The following ATP8A2 variants were observed in gnomAD, a reference collection of about 807,000 sequenced individuals.
The protein encoded by ATP8A2 is phospholipid-transporting ATPase IB.
In ATP8A2, 100 loss-of-function variants were observed where a neutral mutation model predicts 165.6. That is an observed-to-expected ratio of 0.60 (90% CI 0.51 to 0.71). ATP8A2 has a LOEUF of 0.71. Among genes scored for constraint, ATP8A2 ranks in the 30% least tolerant of loss-of-function variants. The probability of loss-of-function intolerance (pLI) is 0.00; values close to 1 mark genes in which losing one functional copy is unlikely to be tolerated. For synonymous variants in ATP8A2, 543 were observed against 548.8 expected (o/e 0.99, Z 0.15); for missense variants, 1,227 against 1,479.5 (o/e 0.83, Z 2.80).
At chr13:25,421,488 C>A (rs960106493) in intron 1 of ATP8A2, among the ~76,000 whole-genome samples, 3 of 152,276 alleles carry the variant, frequency 2.0e-5, no homozygotes, top group Admixed American at 2.0e-4. Context: ...GCCCATGCCA[C>A]TGCACCTGGG....
chr13:25,828,486 TC>T (rs1332223109), intron 28 of ATP8A2, among the ~76,000 whole-genome samples: 21 of 152,354 alleles, frequency 1.4e-4, no homozygotes, highest in African/African-American at 5.0e-4. Context: ...TGCAACACTT[TC>T]GTGTTTTTAG....
At chr13:25,423,616 C>T (rs1351393486) in intron 1 of ATP8A2, among the ~76,000 whole-genome samples, 2 of 152,158 alleles carry the variant, frequency 1.3e-5, no homozygotes, top group Non-Finnish European at 2.9e-5. Flanking sequence ...CAATGAATAT[C>T]ATCAGTCTTT....
At chr13:25,792,495 G>C (rs1255068352) in intron 27 of ATP8A2, among the ~76,000 whole-genome samples, 1 of 151,900 alleles carries the variant, frequency 6.6e-6, no homozygotes, top group African/African-American at 2.4e-5. Context: ...AATTAATAGA[G>C]ACTCACTAAG....
At chr13:25,519,391 G>T (rs1468243696) in intron 2 of ATP8A2, among the ~76,000 whole-genome samples, 11 of 150,710 alleles carry the variant, frequency 7.3e-5, no homozygotes, top group African/African-American at 2.7e-4. Flanking sequence ...TTTTAATCTC[G>T]TTTCTCCTCT....
chr13:26,012,527 G>T lies in ATP8A2; in HGVS notation c.3378-4G>T. The T allele has an allele frequency of 6.5e-7, 1 of 1,538,938 alleles. No individual in the cohort carries two copies. Among genetic ancestry groups the T allele is most frequent in the Middle Eastern group, 1.7e-4 (1 of 5,954 alleles). On this transcript the variant is annotated splice_region_variant and splice_polypyrimidine_tract_variant and intron_variant, in intron 35 of 36. Coordinates refer to ENST00000381655, the MANE Select transcript of ATP8A2 (RefSeq NM_016529.6). The stretch of plus-strand genomic sequence containing the variant: ...AGAGACTGACGCGCTTGCTTTATCC[G>T]CAGGCTGAACGAGCGCGACCGCCTG...
chr13:25,699,506 T>C (rs1234966740), intron 25 of ATP8A2, among the ~76,000 whole-genome samples, 161 bp downstream of exon 25: 1 of 152,260 alleles, frequency 6.6e-6, no homozygotes, highest in African/African-American at 2.4e-5. Context: ...TGCACAGATT[T>C]TGCAGAGGCA....
In ATP8A2 at chr13:25,773,667, A is replaced by G. The variant is rs139812804; in HGVS notation, c.2569-1182A>G. ...TGGAGGCAAAAAAGGAGAAGACAAA[A>G]TGGGTCAAGAAGTGGAGGCAAAGTG... On this transcript the variant is annotated intron_variant, in intron 26 of 36. Coordinates refer to ENST00000381655, the MANE Select transcript of ATP8A2 (RefSeq NM_016529.6). Among the ~76,000 whole-genome samples, 17 of 152,302 alleles carry G rather than the reference A, an allele frequency of 1.1e-4. No homozygotes were observed. In the East Asian group the frequency reaches 1.9e-3, roughly 17 times the overall value.
chr13:25,910,151 T>C (rs1051310868), intron 33 of ATP8A2, among the ~76,000 whole-genome samples: 1 of 152,242 alleles, frequency 6.6e-6, no homozygotes, highest in Non-Finnish European at 1.5e-5. Flanking sequence ...TGTGCCTCAC[T>C]CTTTTTCCTA....
chr13:25,535,378 C>T (rs1803899729), intron 6 of ATP8A2, among the ~76,000 whole-genome samples: 2 of 152,164 alleles, frequency 1.3e-5, no homozygotes, highest in South Asian at 4.1e-4. Context: ...TCGAGAGGAT[C>T]TTTCAGCTAC....
intron 25 of ATP8A2, among the ~76,000 whole-genome samples, chr13:25,766,462 C>A (rs1309576523): frequency 6.6e-6 from 1 of 152,164 alleles, no homozygotes; most frequent in East Asian, 1.9e-4. Flanking sequence ...TGGTGATGTA[C>A]CTGTTTACCT....
At chr13:25,570,120 C>T (rs181285362) in intron 16 of ATP8A2, among the ~76,000 whole-genome samples, 7 of 152,236 alleles carry the variant, frequency 4.6e-5, no homozygotes, top group Admixed American at 1.3e-4. Flanking sequence ...TTCTGGTTTT[C>T]GTTGCTGTTC....
intron 25 of ATP8A2, among the ~76,000 whole-genome samples, chr13:25,744,435 T>C (rs985442065): frequency 1.3e-5 from 2 of 152,152 alleles, no homozygotes; most frequent in Non-Finnish European, 2.9e-5. Context: ...TGTGCGTGTG[T>C]TTGCACATTT....
chr13:25,989,366 A>ATC (rs1385782201), intron 35 of ATP8A2, among the ~76,000 whole-genome samples: 1 of 152,250 alleles, frequency 6.6e-6, no homozygotes, highest in Non-Finnish European at 1.5e-5. Flanking sequence ...TATCAGAGAT[A>ATC]TCAATGATTC....
intron 10 of ATP8A2, among the ~76,000 whole-genome samples, chr13:25,550,890 T>C (rs917368298): frequency 3.3e-5 from 5 of 152,238 alleles, no homozygotes; most frequent in Non-Finnish European, 7.3e-5. Flanking sequence ...AAATATGTGC[T>C]TTAGAAATAT....
intron 27 of ATP8A2, among the ~76,000 whole-genome samples, chr13:25,781,612 C>T (rs868790303): frequency 4.6e-5 from 7 of 152,064 alleles, no homozygotes; most frequent in Non-Finnish European, 8.8e-5. Flanking sequence ...CCTCAGCCTC[C>T]CAAGTAACTG....
intron 27 of ATP8A2, among the ~76,000 whole-genome samples, chr13:25,808,789 A>C (rs1212449465): frequency 6.6e-6 from 1 of 151,946 alleles, no homozygotes; most frequent in African/African-American, 2.4e-5. Flanking sequence ...TTCTACTTAA[A>C]ATTTTTTTTC....
intron 33 of ATP8A2, among the ~76,000 whole-genome samples, chr13:25,901,082 G>C (rs1347060795): frequency 6.6e-6 from 1 of 152,202 alleles, no homozygotes; most frequent in Admixed American, 6.5e-5. Flanking sequence ...GGAAGGAGGA[G>C]CAGGGAGCTG....
intron 33 of ATP8A2, among the ~76,000 whole-genome samples, chr13:25,928,058 T>A (rs1451844591): frequency 6.6e-6 from 1 of 152,224 alleles, no homozygotes; most frequent in Non-Finnish European, 1.5e-5. Flanking sequence ...AATGGAAATG[T>A]TATGGTTTCA....
chr13:25,491,792 C>T (rs1555281188), intron 2 of ATP8A2, among the ~76,000 whole-genome samples: 1 of 152,030 alleles, frequency 6.6e-6, no homozygotes, highest in Non-Finnish European at 1.5e-5. Context: ...AATTGAAGAC[C>T]AAGTCAAGAA....
Sources: gnomAD v4.1 joint callset for allele counts (sites outside exome capture counted in the v4.1 genomes callset) on GRCh38, gnomAD v4.1.1 for gene constraint, MANE v1.5 for transcripts, NCBI Gene and HGNC (gene_info 2026-07-23, HGNC 2026-07-21) for gene names.